Variants in IFNAR2 observed in about 807,000 individuals in gnomAD.
IFNAR2 encodes the protein interferon alpha and beta receptor subunit 2.
A neutral mutation model predicts 49.4 loss-of-function variants in IFNAR2; 30 were observed. The ratio of observed to expected loss-of-function variants is 0.61; its 90% CI spans 0.45 to 0.82. The LOEUF is 0.82. Ranked by LOEUF, IFNAR2 falls within the 40% of genes least tolerant of loss-of-function variation. IFNAR2 has a pLI of 0.00. For synonymous variants in IFNAR2, 224 were observed against 234.5 expected, an observed-to-expected ratio of 0.96 and a Z score of 0.41; for missense variants, 600 against 622.7, an observed-to-expected ratio of 0.96 and a Z score of 0.39.
chr21:33,241,628 CA>C (rs1326673737), intron 1 of IFNAR2, among the ~76,000 whole-genome samples: 4 of 136,872 alleles, frequency 2.9e-5, no homozygotes, highest in African/African-American at 1.0e-4. Flanking sequence ...AGACTTTTCA[CA>C]ATTTTTTTTT....
Position 33,246,844 on chromosome 21 carries a change from C to T in IFNAR2, c.348C>T (p.Asn116=), listed in dbSNP as rs1987455169. Residue 116 remains asparagine, a synonymous_variant, in exon 5 of 9, where the codon AAC becomes AAT. Transcript: ENST00000342136. ...CCGTCCTAGAAGGATTCAGCGGGAA[C>T]ACAACGTTGTTCAGTTGCTCACACA... ...YVTVLEGFSG[N]TTLFSCSHNF... The T allele has an allele frequency of 6.2e-7, 1 of 1,614,110 alleles. No homozygotes were observed. The highest frequency in any genetic ancestry group is 1.3e-5 in the African/African-American group (1 of 74,932).
chr21:33,243,581 A>C, intron 2 of IFNAR2, 92 bp from the exon 3 acceptor site: 1 of 1,146,148 alleles, frequency 8.7e-7, no homozygotes, highest in Non-Finnish European at 1.3e-6. Context: ...ATACCAATAA[A>C]TGTGTGTTAA....
At chr21:33,246,489 T>C (rs1369689279) in intron 4 of IFNAR2, among the ~76,000 whole-genome samples, 2 of 152,102 alleles carry the variant, frequency 1.3e-5, no homozygotes. Flanking sequence ...AAAGGTATAA[T>C]GTGACAGGTG....
intron 1 of IFNAR2, among the ~76,000 whole-genome samples, chr21:33,236,390 C>T (rs940842681): frequency 6.6e-6 from 1 of 152,200 alleles, no homozygotes; most frequent in Admixed American, 6.5e-5. Context: ...AAGCACCTAC[C>T]ATCCTAACCC....
chr21:33,262,740 A>T (rs767281398), intron 8 of IFNAR2, 53 bp from the exon 9 acceptor site: 13 of 1,589,438 alleles, frequency 8.2e-6, no homozygotes, highest in Non-Finnish European at 6.9e-6. Context: ...GAAAATAAAG[A>T]GCAAACAGTA....
At chr21:33,231,195 A>AC (rs1317253325) in intron 1 of IFNAR2, among the ~76,000 whole-genome samples, 1 of 151,422 alleles carries the variant, frequency 6.6e-6, no homozygotes, top group African/African-American at 2.4e-5. Context: ...CTGTCCACCC[A>AC]CCCCCTATCC....
chr21:33,252,271 T>C (rs1987907757), intron 6 of IFNAR2: 2 of 456,714 alleles, frequency 4.4e-6, no homozygotes, highest in African/African-American at 2.0e-5. Context: ...TTGCAGACTG[T>C]TTTGAAAGTC....
At chr21:33,242,157 A>G (rs543092023) in intron 2 of IFNAR2, among the ~76,000 whole-genome samples, 180 bp downstream of exon 2, 72 of 152,224 alleles carry the variant, frequency 4.7e-4, no homozygotes, top group Non-Finnish European at 7.1e-4. Context: ...TTTAGATTCA[A>G]TGTAGATTCC....
At chr21:33,252,923 T>C (rs1037243191) in intron 7 of IFNAR2, 93 bp downstream of exon 7, 2 of 1,043,948 alleles carry the variant, frequency 1.9e-6, no homozygotes, top group African/African-American at 3.1e-5. Flanking sequence ...AAAGAATTCA[T>C]GGAGCACTAA....
At chr21:33,249,706 C>T (rs966069937) in intron 6 of IFNAR2, among the ~76,000 whole-genome samples, 10 of 152,114 alleles carry the variant, frequency 6.6e-5, no homozygotes, top group African/African-American at 2.2e-4. Context: ...TTGCTCTCAC[C>T]GGTGTAGCAG....
Position 33,230,440 on chromosome 21 carries a change from C to T in IFNAR2, c.-84+224C>T. 2.1e-6 allele frequency: 1 copy of T among 469,654 alleles called. No homozygotes were observed. The highest frequency in any genetic ancestry group is 2.4e-5 in the Admixed American group (1 of 41,340). 29.1% of individuals were successfully genotyped at this position (469,654 alleles called of 1,614,324 possible). On this transcript the variant is annotated intron_variant, in intron 1 of 8. Transcript: ENST00000342136. This position sits in a 1 kb window ranked among gnomAD's most constrained non-coding sequence, Gnocchi z 5.5. ...GCGACCCCAGGACCCCTCCCGGGCC[C>T]TGTCCTGCGCCCTCCACGCGTCGCC... is the stretch of plus-strand genomic sequence containing the variant.
At chr21:33,250,322 A>C (rs1345392160) in intron 6 of IFNAR2, among the ~76,000 whole-genome samples, 2 of 152,178 alleles carry the variant, frequency 1.3e-5, no homozygotes, top group Admixed American at 1.3e-4. Context: ...TGATTCCTAA[A>C]ATAAGAGACT....
chr21:33,231,901 C>T (rs956136280), intron 1 of IFNAR2: 1 of 152,598 alleles, frequency 6.6e-6, no homozygotes, highest in Non-Finnish European at 1.5e-5. Context: ...GCTACTACGC[C>T]TGGCTAATTG....
chr21:33,234,782 A>C (rs1986324584), intron 1 of IFNAR2: 1 of 980,768 alleles, frequency 1.0e-6, no homozygotes, highest in Non-Finnish European at 1.2e-6. Context: ...GGGAAGCCAC[A>C]TGAGTTGTTG....
At chr21:33,243,549 G>T in intron 2 of IFNAR2, 124 bp from the exon 3 acceptor site, 1 of 859,232 alleles carries the variant, frequency 1.2e-6, no homozygotes, top group Non-Finnish European at 1.9e-6. Flanking sequence ...CATTTTTTTG[G>T]CACAAGAAAA....
chr21:33,248,961 C>T (rs1213524782), intron 6 of IFNAR2, 107 bp downstream of exon 6: 6 of 802,424 alleles, frequency 7.5e-6, no homozygotes, highest in East Asian at 2.7e-5. Context: ...AAAGCTAAAA[C>T]GTCAGGCTTC....
Position 33,230,312 on chromosome 21 carries a change from C to T in IFNAR2, c.-84+96C>T, listed in dbSNP as rs992847740. 2 of 1,021,126 alleles carry T rather than the reference C, an allele frequency of 2.0e-6. No homozygotes were observed. Among genetic ancestry groups the T allele is most frequent in the South Asian group, 3.6e-5 (2 of 55,832 alleles). The allele number at this position is 1,021,126 out of a possible 1,614,324, so 63.3% of individuals were successfully genotyped here. On this transcript the variant is annotated intron_variant, in intron 1 of 8. Coordinates refer to ENST00000342136, the MANE Select transcript of IFNAR2 (RefSeq NM_001289125.3). This position sits in a 1 kb window ranked among gnomAD's most constrained non-coding sequence, Gnocchi z 5.5. The stretch of plus-strand genomic sequence containing the variant: ...CTGCAGCGGTTCCCGGAATCCCCTC[C>T]GGTTCCCTCTCGCTCTCCCCGACTC...
rs751046812 is a variant in IFNAR2, at chr21:33,248,831, C to T, written c.517C>T (p.Gln173Ter). 2 of 1,606,048 alleles carry T rather than the reference C, an allele frequency of 1.2e-6. No homozygotes were observed. Among genetic ancestry groups the T allele is most frequent in the Non-Finnish European group, 1.7e-6 (2 of 1,176,812 alleles). The change falls in exon 6 of 9, where the codon CAG becomes TAG. Residue 173 changes from glutamine (Q) to a stop codon, truncating the protein, a stop_gained. Transcript: ENST00000342136. LOFTEE classifies it high-confidence loss of function. ...QFDLSLVIEEQSEGIVKKHKP... is the reference protein window; with the variant it reads ...QFDLSLVIEE ...TGATTTATCTCTCGTCATTGAAGAACAGTCAGAGGGAATTGTTAAGAAGGT... is the reference window on the plus strand; with the variant it reads ...TGATTTATCTCTCGTCATTGAAGAATAGTCAGAGGGAATTGTTAAGAAGGT...
In IFNAR2 at chr21:33,246,866, C is replaced by A; in HGVS notation, c.370C>A (p.His124Asn). The A allele has an allele frequency of 6.2e-7, 1 of 1,614,124 alleles. No individual in the cohort carries two copies. Residue 124 changes from histidine to asparagine, a missense_variant, in exon 5 of 9, where the codon CAC (histidine) becomes AAC (asparagine). His to Asn is a moderately conservative substitution (Grantham distance 68, BLOSUM62 1). Coordinates refer to ENST00000342136, the MANE Select transcript of IFNAR2 (RefSeq NM_001289125.3). ...SGNTTLFSCS[H>N]NFWLAIDMSF... ...GAACACAACGTTGTTCAGTTGCTCA[C>A]ACAATTTCTGGCTGGCCATAGACAG... is the stretch of plus-strand genomic sequence containing the variant.
Sources: gnomAD v4.1 joint callset for allele counts (sites outside exome capture counted in the v4.1 genomes callset) on GRCh38, gnomAD v4.1.1 for gene constraint, Gnocchi (gnomAD v3.1) non-coding constraint, MANE v1.5 for transcripts, NCBI Gene and HGNC (gene_info 2026-07-23, HGNC 2026-07-21) for gene names.